The following ADARB2 variants were observed in gnomAD, a reference collection of about 807,000 sequenced individuals.
ADARB2 encodes the protein adenosine deaminase RNA specific B2 (inactive).
ADARB2 carries 25 observed loss-of-function variants against 62.2 expected under a neutral mutation model. The ratio of observed to expected loss-of-function variants is 0.40; its 90% CI spans 0.29 to 0.56. ADARB2 has a LOEUF of 0.56. Ranked by LOEUF, ADARB2 falls within the 20% of genes least tolerant of loss-of-function variation. ADARB2 has a pLI of 0.43. For synonymous variants in ADARB2, 572 were observed against 500.8 expected, an observed-to-expected ratio of 1.14 and a Z score of -1.90; for missense variants, 1,071 against 1,077.4, an observed-to-expected ratio of 0.99 and a Z score of 0.08.
At chr10:1,712,941 T>G (rs1588362958) in intron 1 of ADARB2, among the ~76,000 whole-genome samples, 1 of 152,090 alleles carries the variant, frequency 6.6e-6, no homozygotes, top group African/African-American at 2.4e-5. Flanking sequence ...TGGTCAAAAA[T>G]GATTTTTCCT....
chr10:1,579,400 T>C (rs548728929), intron 1 of ADARB2, among the ~76,000 whole-genome samples: 1 of 152,312 alleles, frequency 6.6e-6, no homozygotes, highest in Admixed American at 6.5e-5. Flanking sequence ...GAAATTATAG[T>C]ATGCACATAA....
chr10:1,558,976 A>G (rs1199246141), intron 1 of ADARB2, among the ~76,000 whole-genome samples: 1 of 152,260 alleles, frequency 6.6e-6, no homozygotes, highest in Non-Finnish European at 1.5e-5. Context: ...AGCCTGGCAC[A>G]TGTACATCTG....
At chr10:1,224,404 GT>G (rs745571850) in intron 6 of ADARB2, among the ~76,000 whole-genome samples, 80 of 152,034 alleles carry the variant, frequency 5.3e-4, no homozygotes, top group Non-Finnish European at 9.1e-4. Context: ...TTTTTGAAGG[GT>G]TTTTTGTGTC....
chr10:1,209,579 A>G (rs896318931), intron 7 of ADARB2, among the ~76,000 whole-genome samples: 2 of 146,078 alleles, frequency 1.4e-5, no homozygotes. Context: ...CATCACCCAC[A>G]CTCTCACCAT....
At chr10:1,651,962 A>G (rs989668902) in intron 1 of ADARB2, among the ~76,000 whole-genome samples, 1 of 152,170 alleles carries the variant, frequency 6.6e-6, no homozygotes, top group African/African-American at 2.4e-5. Flanking sequence ...CTTGAGAAAA[A>G]CGACACTATA....
At chr10:1,342,830 T>C (rs1268859738) in intron 3 of ADARB2, among the ~76,000 whole-genome samples, 1 of 152,236 alleles carries the variant, frequency 6.6e-6, no homozygotes, top group African/African-American at 2.4e-5. Flanking sequence ...TCTTTTTAGT[T>C]AGTCCTTTTT....
At chr10:1,736,173 T>C (rs540542702) in intron 1 of ADARB2, among the ~76,000 whole-genome samples, 55 of 152,216 alleles carry the variant, frequency 3.6e-4, no homozygotes, top group Non-Finnish European at 5.7e-4. Flanking sequence ...CAGGTTCCTC[T>C]AGGAGAGAAG....
At chr10:1,734,112 A>G (rs1835269727) in intron 1 of ADARB2, among the ~76,000 whole-genome samples, 1 of 152,114 alleles carries the variant, frequency 6.6e-6, no homozygotes, top group Non-Finnish European at 1.5e-5. Context: ...TTCTAAAAGA[A>G]AGTCCCTGCT....
intron 1 of ADARB2, among the ~76,000 whole-genome samples, chr10:1,454,504 G>A (rs1264574768): frequency 6.6e-6 from 1 of 152,210 alleles, no homozygotes; most frequent in Non-Finnish European, 1.5e-5. Flanking sequence ...GCTGAAAAAG[G>A]AAGAACATTC....
intron 1 of ADARB2, among the ~76,000 whole-genome samples, chr10:1,614,738 C>T (rs969331287): frequency 1.4e-4 from 21 of 152,230 alleles, no homozygotes; most frequent in African/African-American, 4.8e-4. Context: ...GGTGAAACCC[C>T]GTCTCTACTA....
intron 1 of ADARB2, among the ~76,000 whole-genome samples, chr10:1,679,975 G>A (rs555530604): frequency 6.6e-6 from 1 of 152,164 alleles, no homozygotes; most frequent in South Asian, 2.1e-4. Flanking sequence ...TCAACAGCAG[G>A]CCCAGAGCAG....
At chr10:1,583,507 C>A (rs1438686523) in intron 1 of ADARB2, among the ~76,000 whole-genome samples, 1 of 152,170 alleles carries the variant, frequency 6.6e-6, no homozygotes, top group Non-Finnish European at 1.5e-5. Flanking sequence ...AGCCCACCCC[C>A]AAGTCAGATG....
At chr10:1,368,686 G>A (rs892040168) in intron 2 of ADARB2, among the ~76,000 whole-genome samples, 63 of 152,310 alleles carry the variant, frequency 4.1e-4, no homozygotes, top group African/African-American at 1.4e-3. Flanking sequence ...GCAAGAATTC[G>A]TTCTCACAAA....
At chr10:1,618,439 G>T (rs188020477) in intron 1 of ADARB2, among the ~76,000 whole-genome samples, 1 of 152,304 alleles carries the variant, frequency 6.6e-6, no homozygotes, top group Non-Finnish European at 1.5e-5. Context: ...CATACCTATA[G>T]AAAATTCTGA....
chr10:1,608,774 G>GAGAGAGAAAGAAAGAAAGAA (rs1833528167), intron 1 of ADARB2, among the ~76,000 whole-genome samples: 8 of 139,532 alleles, frequency 5.7e-5, no homozygotes, highest in Non-Finnish European at 1.5e-5. Context: ...GAAAGAGAAA[G>GAGAGAGAAAGAAAGAAAGAA]AGAAAGAAAG....
At chr10:1,512,443 G>T (rs1434779068) in intron 1 of ADARB2, among the ~76,000 whole-genome samples, 1 of 152,158 alleles carries the variant, frequency 6.6e-6, no homozygotes, top group Non-Finnish European at 1.5e-5. Context: ...AGACTTTGAT[G>T]CTGTCTACAC....
At chr10:1,642,219 G>C (rs1170308148) in intron 1 of ADARB2, among the ~76,000 whole-genome samples, 2 of 147,596 alleles carry the variant, frequency 1.4e-5, no homozygotes, top group Non-Finnish European at 2.9e-5. Flanking sequence ...AAAGCACACG[G>C]ATTTTGGCTA....
intron 8 of ADARB2, among the ~76,000 whole-genome samples, chr10:1,197,149 G>C (rs982899435): frequency 6.6e-6 from 1 of 152,184 alleles, no homozygotes; most frequent in African/African-American, 2.4e-5. Context: ...TAAAATATTT[G>C]CTACTGCTTC....
chr10:1,234,651 C>T (rs1054513541), intron 5 of ADARB2, among the ~76,000 whole-genome samples: 5 of 150,476 alleles, frequency 3.3e-5, no homozygotes, highest in South Asian at 2.1e-4. Context: ...TTTGTTGCCC[C>T]GAGTGGTCTG....
Sources: allele counts gnomAD v4.1 joint callset (sites outside exome capture counted in the v4.1 genomes callset), GRCh38; gene constraint gnomAD v4.1.1; transcripts MANE v1.5; gene names NCBI Gene and HGNC (gene_info 2026-07-23, HGNC 2026-07-21).